MINAR1: variants seen among roughly 807,000 people sequenced by gnomAD.
MINAR1 encodes the protein membrane integral NOTCH2 associated receptor 1, also known as major intrinsically disordered Notch2-binding receptor 1.
Under a neutral mutation model 65.1 loss-of-function variants are expected in MINAR1, and 40 were observed. The ratio of observed to expected loss-of-function variants is 0.61; its 90% CI spans 0.48 to 0.80. The LOEUF is 0.80. Among genes scored for constraint, MINAR1 ranks in the 30% least tolerant of loss-of-function variants. The probability of loss-of-function intolerance (pLI) is 0.00; values close to 1 mark genes in which losing one functional copy is unlikely to be tolerated. For synonymous variants in MINAR1, 482 were observed against 449.1 expected, an observed-to-expected ratio of 1.07 and a Z score of -0.93; for missense variants, 1,128 against 1,148.0, an observed-to-expected ratio of 0.98 and a Z score of 0.25.
In MINAR1 at chr15:79,456,251, G is replaced by A; in HGVS notation, c.104G>A (p.Cys35Tyr). Reference protein sequence around the residue: ...VSYQDLCKSLCARFDLSQLAK... With the variant: ...VSYQDLCKSLYARFDLSQLAK... ...TATCAGGACCTGTGCAAATCTCTCT[G>A]TGCCCGGTTCGACCTGTCGCAGCTT... Residue 35 changes from cysteine to tyrosine, a missense_variant, in exon 2 of 4, where the codon TGT (cysteine) becomes TAT (tyrosine). Cys to Tyr is a radical substitution (Grantham distance 194). Transcript: ENST00000305428. The A allele has an allele frequency of 6.2e-7, 1 of 1,614,120 alleles. No individual in the cohort carries two copies.
At chr15:79,430,699 T>C (rs943065588), upstream of MINAR1, among the ~76,000 whole-genome samples, 1 of 152,194 alleles carries the variant, frequency 6.6e-6, no homozygotes, top group Non-Finnish European at 1.5e-5. Flanking sequence ...CATTTTCAAA[T>C]CCGTTTGCCC....
chr15:79,458,067 G>A lies in MINAR1; in HGVS notation c.1920G>A (p.Val640=), dbSNP rs1895501767. Residue 640 remains valine (V), a synonymous_variant, in exon 2 of 4, where the codon GTG becomes GTA. Coordinates refer to ENST00000305428, the MANE Select transcript of MINAR1 (RefSeq NM_015206.3). The part of the protein sequence containing the change: ...LDQKMQQPEK[V]SVQIDLNSLT... ...AGAAAATGCAACAGCCTGAGAAGGT[G>A]AGTGTGCAGATAGATCTGAACTCCT... 2 of 1,614,060 alleles carry A rather than the reference G, an allele frequency of 1.2e-6. No individual in the cohort carries two copies. The highest frequency in any genetic ancestry group is 2.2e-5 in the South Asian group (2 of 91,078).
chr15:79,457,571 G>A lies in MINAR1; in HGVS notation c.1424G>A (p.Gly475Asp). The change falls in exon 2 of 4, where the codon GGC becomes GAC. Residue 475 changes from glycine to aspartate, a missense_variant. By Grantham distance (94) the Gly-to-Asp change is moderately conservative. Coordinates refer to ENST00000305428, the MANE Select transcript of MINAR1 (RefSeq NM_015206.3). ...GQLSSDTSSV[G>D]TQTEHVLEPK... is the part of the protein sequence containing the mutation. ...CTCAGCTCAGACACCAGTAGCGTGGGCACCCAGACTGAGCACGTGCTGGAG... is the reference window on the plus strand; with the variant it reads ...CTCAGCTCAGACACCAGTAGCGTGGACACCCAGACTGAGCACGTGCTGGAG... 1.9e-6 allele frequency: 3 copies of A among 1,614,164 alleles called. No individual in the cohort carries two copies. Among genetic ancestry groups the A allele is most frequent in the South Asian group, 1.1e-5 (1 of 91,080 alleles).
chr15:79,458,245 A>C lies in MINAR1; in HGVS notation c.2098A>C (p.Lys700Gln). ...TGAAAGCCTGCGGGTCAAGGCCTTAAAAAAAAGCCTCTTCACCAGGCCATC... is the reference window on the plus strand; with the variant it reads ...TGAAAGCCTGCGGGTCAAGGCCTTACAAAAAAGCCTCTTCACCAGGCCATC... Reference protein sequence around the residue: ...NSESLRVKALKKSLFTRPSSR... With the variant: ...NSESLRVKALQKSLFTRPSSR... The change falls in exon 2 of 4, where the codon AAA becomes CAA. Residue 700 changes from lysine (K) to glutamine (Q), a missense_variant. Lys to Gln is a moderately conservative substitution (Grantham distance 53, BLOSUM62 1). Transcript: ENST00000305428. 1 of 1,614,008 alleles carries C rather than the reference A, an allele frequency of 6.2e-7. No homozygotes were observed. Among genetic ancestry groups the C allele is most frequent in the Non-Finnish European group, 8.5e-7 (1 of 1,180,008 alleles).
At chr15:79,441,218 CTGAAA>C (rs1436989827) in intron 1 of MINAR1, among the ~76,000 whole-genome samples, 3 of 151,496 alleles carry the variant, frequency 2.0e-5, no homozygotes, top group Non-Finnish European at 4.4e-5. Context: ...TAAAACAGCC[CTGAAA>C]TGAAAGGAAG....
chr15:79,420,143 G>C, the MINAR1 span: 1 of 152,266 alleles, frequency 6.6e-6, no homozygotes, highest in Admixed American at 6.5e-5. Flanking sequence ...AACACTAGGT[G>C]GAAGAAGACA....
the MINAR1 span, chr15:79,419,594 C>T: frequency 2.6e-5 from 4 of 152,210 alleles, no homozygotes; most frequent in East Asian, 7.7e-4. Context: ...AGCTTCATGT[C>T]CTCTCTCCCT....
At chr15:79,448,399 A>T (rs978522721) in intron 1 of MINAR1, among the ~76,000 whole-genome samples, 1 of 152,208 alleles carries the variant, frequency 6.6e-6, no homozygotes, top group Non-Finnish European at 1.5e-5. Context: ...ATTTTATTAG[A>T]GGTGACACAA....
chr15:79,450,313 T>A (rs1895149586), intron 1 of MINAR1, among the ~76,000 whole-genome samples: 1 of 152,180 alleles, frequency 6.6e-6, no homozygotes, highest in Non-Finnish European at 1.5e-5. Flanking sequence ...CTCATGCACC[T>A]TCTGGGTGCT....
intron 3 of MINAR1, among the ~76,000 whole-genome samples, chr15:79,465,740 A>ACTTC (rs1895820898): frequency 6.6e-6 from 1 of 151,892 alleles, no homozygotes; most frequent in Admixed American, 6.6e-5. Context: ...GCTGAGCCTG[A>ACTTC]CTTCCAGGTG....
upstream of MINAR1, among the ~76,000 whole-genome samples, chr15:79,430,206 TTAAA>T (rs1309606224): frequency 1.3e-5 from 2 of 149,776 alleles, no homozygotes; most frequent in Non-Finnish European, 1.5e-5. Flanking sequence ...CAGAAAGAAA[TTAAA>T]TAAACCTCTA....
intron 1 of MINAR1, among the ~76,000 whole-genome samples, chr15:79,439,656 G>A (rs1352635818): frequency 6.6e-6 from 1 of 151,820 alleles, no homozygotes. Context: ...ATGACAGATG[G>A]TTTACTGCTG....
At chr15:79,440,489 G>A (rs1430101969) in intron 1 of MINAR1, among the ~76,000 whole-genome samples, 1 of 152,234 alleles carries the variant, frequency 6.6e-6, no homozygotes, top group East Asian at 1.9e-4. Flanking sequence ...TGTGGAAGAG[G>A]CTGCCTTTGG....
In MINAR1 at chr15:79,452,704, ATGAGTGTGTGGGTGTGGG is replaced by A. The variant is rs879331930; in HGVS notation, c.-50-3388_-50-3371del. On this transcript the variant is annotated intron_variant, in intron 1 of 3. Transcript: ENST00000305428. ...TGGGTGTGTGTGTGTGGGTGTCTGGATGAGTGTGTGGGTGTGGGTGAGTCTGTGTGGGTGTGTGGGGGG... is the reference window on the plus strand; with the variant it reads ...TGGGTGTGTGTGTGTGGGTGTCTGGATGAGTCTGTGTGGGTGTGTGGGGGG... Among the ~76,000 whole-genome samples, 1,301 of 74,724 alleles carry A rather than the reference ATGAGTGTGTGGGTGTGGG, an allele frequency of 0.017. 141 individuals carry two copies. In the East Asian group the frequency reaches 0.37, roughly 21 times the overall value. The allele number at this position is 74,724 out of a possible 152,430, so 49.0% of individuals were successfully genotyped here.
the MINAR1 span, chr15:79,413,503 C>T: frequency 6.6e-6 from 1 of 152,352 alleles, no homozygotes; most frequent in African/African-American, 2.4e-5. Flanking sequence ...CTGAAATAAT[C>T]ACCTTCTTAA....
At position 79,457,264 on chromosome 15, in the gene MINAR1, A is replaced by C; in HGVS notation, c.1117A>C (p.Thr373Pro). 6.2e-7 allele frequency: 1 copy of C among 1,614,190 alleles called. No homozygotes were observed. The highest frequency in any genetic ancestry group is 8.5e-7 in the Non-Finnish European group (1 of 1,180,040). The change falls in exon 2 of 4, where the codon ACA becomes CCA. Residue 373 changes from threonine to proline, a missense_variant. Coordinates refer to ENST00000305428, the MANE Select transcript of MINAR1 (RefSeq NM_015206.3). ...PWPAKSWSLN[T>P]EEVPDFERSF... is the part of the protein sequence containing the mutation. ...GCCAGCCAAAAGCTGGAGCCTAAACACAGAGGAAGTTCCTGACTTTGAACG... is the reference window on the plus strand; with the variant it reads ...GCCAGCCAAAAGCTGGAGCCTAAACCCAGAGGAAGTTCCTGACTTTGAACG...
chr15:79,445,230 G>A (rs1894981135), intron 1 of MINAR1, among the ~76,000 whole-genome samples: 1 of 151,952 alleles, frequency 6.6e-6, no homozygotes, highest in East Asian at 1.9e-4. Flanking sequence ...CTTATTGTAT[G>A]CAAGGGACTA....
At chr15:79,415,585 G>A in the MINAR1 span, 4 of 152,154 alleles carry the variant, frequency 2.6e-5, no homozygotes, top group African/African-American at 9.7e-5. Flanking sequence ...TTGCACTGTG[G>A]ACCTAGTTTT....
At chr15:79,436,828 C>G (rs571998545) in intron 1 of MINAR1, among the ~76,000 whole-genome samples, 1 of 152,230 alleles carries the variant, frequency 6.6e-6, no homozygotes, top group Non-Finnish European at 1.5e-5. Flanking sequence ...TTTCTACTGA[C>G]GTGGCCTGTG....
Sources: allele counts gnomAD v4.1 joint callset (sites outside exome capture counted in the v4.1 genomes callset), GRCh38; gene constraint gnomAD v4.1.1; transcripts MANE v1.5; gene names NCBI Gene and HGNC (gene_info 2026-07-23, HGNC 2026-07-21).